The following ZNF268 variants were observed in gnomAD, a reference collection of about 807,000 sequenced individuals.
ZNF268 encodes the protein zinc finger protein 3.
In ZNF268, 20 loss-of-function variants were observed where a neutral mutation model predicts 29.3. That is an observed-to-expected ratio of 0.68 (90% CI 0.48 to 0.99). The LOEUF (loss-of-function observed/expected upper bound fraction) is 0.99, where lower values mean the gene tolerates loss of function less well. ZNF268 is among the 50% of genes least tolerant of loss of function. The pLI, the probability that ZNF268 is intolerant of heterozygous loss-of-function variation, is 0.00. For missense variants in ZNF268, 1,240 were observed against 1,121.6 expected (o/e 1.11, Z -1.51); for synonymous variants, 429 against 376.9 (o/e 1.14, Z -1.60).
In ZNF268 at chr12:133,207,956, G is replaced by A. The variant is rs1956928979; in HGVS notation, c.*3426G>A. 1 of 152,126 alleles carries A rather than the reference G, an allele frequency of 6.6e-6. No homozygotes were observed. The highest frequency in any genetic ancestry group is 1.5e-5 in the Non-Finnish European group (1 of 68,030). The allele number at this position is 152,126 out of a possible 1,614,324, so 9.4% of individuals were successfully genotyped here. ...ATAGATGACACTAAAATACTATTAAGTTGGGAATTAAAATTAACTCCTGTA... is the reference window on the plus strand; with the variant it reads ...ATAGATGACACTAAAATACTATTAAATTGGGAATTAAAATTAACTCCTGTA... On this transcript the variant is annotated 3_prime_UTR_variant, in exon 6 of 6. Transcript: ENST00000536435.
At position 133,213,341 on chromosome 12, in the gene ZNF268, T is replaced by C. The variant is rs964871050; in HGVS notation, c.*8811T>C. The C allele has an allele frequency of 2.0e-5, 3 of 152,148 alleles. No individual in the cohort carries two copies. Among genetic ancestry groups the C allele is most frequent in the Admixed American group, 6.5e-5 (1 of 15,282 alleles). The allele number at this position is 152,148 out of a possible 1,614,324, so 9.4% of individuals were successfully genotyped here. ...GAAACAAAAGAAAAAATAGGTAAAT[T>C]GGACTTCACCAAAATTGAAAACTTT... On this transcript the variant is annotated 3_prime_UTR_variant, in exon 6 of 6. Coordinates refer to ENST00000536435, the MANE Select transcript of ZNF268 (RefSeq NM_003415.3).
rs1222086606 is a variant in ZNF268, at chr12:133,181,982, A to C, written c.-16A>C. On this transcript the variant is annotated 5_prime_UTR_variant, in exon 2 of 6. Coordinates refer to ENST00000536435, the MANE Select transcript of ZNF268 (RefSeq NM_003415.3). ...TCCTGTCACTTCCAGCGAGGCACAC[A>C]AAACTGACCGTAGGGATGGCCACCA... 1 of 1,563,174 alleles carries C rather than the reference A, an allele frequency of 6.4e-7. No individual in the cohort carries two copies.
Position 133,202,383 on chromosome 12 carries a change from T to C in ZNF268, c.697T>C (p.Ser233Pro), listed in dbSNP as rs199759939. The C allele has an allele frequency of 1.4e-5, 22 of 1,611,306 alleles. No homozygotes were observed. In the East Asian group the frequency reaches 4.9e-4, roughly 36 times the overall value. ...TAATGGGTTTCAGGTACATGGAAAA[T>C]CATTCTTCCATTCTAAACATGAGCA... ...NPNGFQVHGK[S>P]FFHSKHEQTV... is the part of the protein sequence containing the mutation. Residue 233 changes from serine (S) to proline (P), a missense_variant, in exon 6 of 6, where the codon TCA becomes CCA. Physicochemically the swap from Ser to Pro is moderately conservative, Grantham distance 74. Coordinates refer to ENST00000536435, the MANE Select transcript of ZNF268 (RefSeq NM_003415.3).
chr12:133,201,471 C>G (rs979820801), intron 5 of ZNF268, among the ~76,000 whole-genome samples: 3 of 152,084 alleles, frequency 2.0e-5, no homozygotes, highest in African/African-American at 7.2e-5. Flanking sequence ...CTTTATTCCT[C>G]ATTGCTCTAT....
intron 2 of ZNF268, 123 bp downstream of exon 2, chr12:133,182,153 G>A: frequency 1.1e-6 from 1 of 898,360 alleles, no homozygotes; most frequent in Non-Finnish European, 1.7e-6. Context: ...TTAGGCAACT[G>A]GATCGTCATT....
chr12:133,199,106 C>T lies in ZNF268; in HGVS notation c.458-3038C>T, dbSNP rs568318243. 7.0e-4 allele frequency among the ~76,000 whole-genome samples: 107 copies of T among 152,258 alleles called. 2 individuals are homozygous for T. The highest frequency in any genetic ancestry group is 2.5e-3 in the African/African-American group (105 of 41,544). On this transcript the variant is annotated intron_variant, in intron 5 of 5. Coordinates refer to ENST00000536435, the MANE Select transcript of ZNF268 (RefSeq NM_003415.3). ...GAGTGGTGAGAGAGAGCATCCCTGT[C>T]TTGTGCCAGTTTTCAAAGGGAATGC... is the stretch of plus-strand genomic sequence containing the variant.
rs758227821 is a variant in ZNF268, at chr12:133,203,559, T to C, written c.1873T>C (p.Ser625Pro). Residue 625 changes from serine to proline, a missense_variant, in exon 6 of 6, where the codon TCA (serine) becomes CCA (proline). Transcript: ENST00000536435. The stretch of plus-strand genomic sequence containing the variant: ...GTGTCAGAAAGCCTTTAATACAAAG[T>C]CAAACCTGATTGTACATCAGAGAAC... ...SECQKAFNTK[S>P]NLIVHQRTHT... 47 of 1,558,512 alleles carry C rather than the reference T, an allele frequency of 3.0e-5. No homozygotes were observed. Among genetic ancestry groups the C allele is most frequent in the Non-Finnish European group, 3.8e-5 (44 of 1,155,056 alleles).
intron 5 of ZNF268, among the ~76,000 whole-genome samples, chr12:133,198,574 A>T (rs529978007): frequency 1.3e-5 from 2 of 152,292 alleles, no homozygotes; most frequent in Non-Finnish European, 2.9e-5. Flanking sequence ...CTATGAAGAA[A>T]GTCATTGGTA....
intron 2 of ZNF268, among the ~76,000 whole-genome samples, chr12:133,186,586 C>G (rs191670593): frequency 6.6e-6 from 1 of 151,952 alleles, no homozygotes; most frequent in East Asian, 1.9e-4. Context: ...CTGTGTTGCC[C>G]AGGCTGGTCT....
intron 5 of ZNF268, among the ~76,000 whole-genome samples, chr12:133,197,011 T>A (rs1318805515): frequency 2.7e-5 from 4 of 148,702 alleles, no homozygotes; most frequent in Non-Finnish European, 3.0e-5. Context: ...CCAGATTTTC[T>A]ATTCTCTAGA....
chr12:133,212,547 A>G lies in ZNF268; in HGVS notation c.*8017A>G, dbSNP rs929714632. The G allele has an allele frequency of 2.0e-5, 3 of 148,718 alleles. No homozygotes were observed. The East Asian group carries it at 5.9e-4, about 29-fold the overall frequency. The allele number at this position is 148,718 out of a possible 1,614,324, so 9.2% of individuals were successfully genotyped here. On this transcript the variant is annotated 3_prime_UTR_variant, in exon 6 of 6. Coordinates refer to ENST00000536435, the MANE Select transcript of ZNF268 (RefSeq NM_003415.3). ...CACATATATACACATATATATACAC[A>G]TATACACATATATATACACATATAT...
chr12:133,194,977 T>G (rs1484540971), intron 5 of ZNF268, among the ~76,000 whole-genome samples: 5 of 137,684 alleles, frequency 3.6e-5, no homozygotes, highest in Non-Finnish European at 6.4e-5. Context: ...TTCTTTATGG[T>G]CTATAGACCT....
rs1159421117 is a variant in ZNF268 at position 133,187,897 on chromosome 12, G to C, written c.59G>C (p.Ser20Thr). 6.3e-7 allele frequency: 1 copy of C among 1,598,728 alleles called. No homozygotes were observed. Among genetic ancestry groups the C allele is most frequent in the African/African-American group, 1.3e-5 (1 of 74,716 alleles). The change falls in exon 3 of 6, where the codon AGT (serine) becomes ACT (threonine). Residue 20 changes from serine to threonine, a missense_variant. Ser to Thr is a moderately conservative substitution (Grantham distance 58, BLOSUM62 1). This residue lies in a region of ZNF268 where 51 missense variants were observed against 51.4 expected (regional missense o/e 0.99). Coordinates refer to ENST00000536435, the MANE Select transcript of ZNF268 (RefSeq NM_003415.3). Reference protein sequence around the residue: ...IWVPPLQERNSSWDRIRKLQG... With the variant: ...IWVPPLQERNTSWDRIRKLQG... ...GTCCCACCTCTCCAAGAACGAAACA[G>C]TTCATGGGATAGGATCAGAAAGCTC...
intron 5 of ZNF268, chr12:133,193,574 C>G (rs777865301): frequency 7.2e-5 from 45 of 621,114 alleles, no homozygotes; most frequent in Non-Finnish European, 1.3e-4. Context: ...CAAAAAAGGC[C>G]TAAGATCATT....
rs1956852734 is a variant in ZNF268, at chr12:133,204,625, C to T, written c.*95C>T. 2 of 958,200 alleles carry T rather than the reference C, an allele frequency of 2.1e-6. No homozygotes were observed. The highest frequency in any genetic ancestry group is 3.7e-5 in the African/African-American group (2 of 53,762). The allele number at this position is 958,200 out of a possible 1,614,324, so 59.4% of individuals were successfully genotyped here. ...TAAGTGGAATCATCTTGTCATCTTC[C>T]AGAAAACTCATACTGAATAGAAACT... On this transcript the variant is annotated 3_prime_UTR_variant, in exon 6 of 6. Transcript: ENST00000536435.
In ZNF268 at chr12:133,202,090, A is replaced by G. The variant is rs1289005490; in HGVS notation, c.458-54A>G. 2.1e-6 allele frequency: 3 copies of G among 1,410,108 alleles called. No homozygotes were observed. The East Asian group carries it at 7.0e-5, about 33-fold the overall frequency. 87.3% of individuals were successfully genotyped at this position (1,410,108 alleles called of 1,614,324 possible). ...GTTCTTATTTCATAGGCAACTTTCT[A>G]GTATACCGCAATCATGTGATTTATA... On this transcript the variant is annotated intron_variant, in intron 5 of 5. Transcript: ENST00000536435.
chr12:133,188,059 T>C lies in ZNF268; in HGVS notation c.221T>C (p.Ile74Thr). The C allele has an allele frequency of 6.3e-7, 1 of 1,588,594 alleles. No individual in the cohort carries two copies. The highest frequency in any genetic ancestry group is 8.6e-7 in the Non-Finnish European group (1 of 1,167,254). The change falls in exon 3 of 6, where the codon ATC becomes ACC. Residue 74 changes from isoleucine (I) to threonine (T), a missense_variant. Physicochemically the swap from Ile to Thr is moderately conservative, Grantham distance 89. Coordinates refer to ENST00000536435, the MANE Select transcript of ZNF268 (RefSeq NM_003415.3). ...WLFISQEQPK[I>T]TKSWGPLSFM... Reference sequence around the variant, plus strand: ...TTTATTTCCCAAGAGCAGCCAAAAATCACCAAGTCCTGGGTGAGCTTCTCA... The same window carrying C: ...TTTATTTCCCAAGAGCAGCCAAAAACCACCAAGTCCTGGGTGAGCTTCTCA...
intron 5 of ZNF268, among the ~76,000 whole-genome samples, chr12:133,193,864 T>C (rs1280005454): frequency 6.6e-6 from 1 of 152,180 alleles, no homozygotes; most frequent in African/African-American, 2.4e-5. Context: ...GAATCGTCTC[T>C]CCCACTGCTC....
chr12:133,204,458 A>G lies in ZNF268; in HGVS notation c.2772A>G (p.Glu924=). The change falls in exon 6 of 6, where the codon GAA becomes GAG. Residue 924 remains glutamate, a synonymous_variant. Transcript: ENST00000536435. ...HTGEKPCKCT[E]CGKAFCWKSQ... is the part of the protein sequence containing the mutation. Reference sequence around the variant, plus strand: ...GAGAGAAGCCTTGTAAGTGCACTGAATGTGGGAAAGCCTTTTGTTGGAAGT... The same window carrying G: ...GAGAGAAGCCTTGTAAGTGCACTGAGTGTGGGAAAGCCTTTTGTTGGAAGT... The G allele has an allele frequency of 6.4e-7, 1 of 1,555,930 alleles. No homozygotes were observed. Among genetic ancestry groups the G allele is most frequent in the Non-Finnish European group, 8.6e-7 (1 of 1,156,332 alleles).
Sources: gnomAD v4.1 joint callset for allele counts (sites outside exome capture counted in the v4.1 genomes callset) on GRCh38, gnomAD v4.1.1 for gene constraint, gnomAD v4.1.1 regional missense constraint, MANE v1.5 for transcripts, NCBI Gene and HGNC (gene_info 2026-07-23, HGNC 2026-07-21) for gene names.